The following TBC1D5 variants were observed in gnomAD, a reference collection of about 807,000 sequenced individuals.
TBC1D5 encodes the protein TBC1 domain family member 5, also known as TBC1 domain family, member 5.
A neutral mutation model predicts 100.3 loss-of-function variants in TBC1D5; 75 were observed. The observed-to-expected ratio is 0.75, with a 90% CI of 0.62 to 0.91. TBC1D5 has a LOEUF of 0.91. TBC1D5 is among the 40% of genes least tolerant of loss of function. The pLI is 0.00. For synonymous variants in TBC1D5, 323 were observed against 325.6 expected (o/e 0.99, Z 0.09); for missense variants, 910 against 942.4 (o/e 0.97, Z 0.45).
At chr3:17,412,308 T>C (rs1176390676) in intron 4 of TBC1D5, among the ~76,000 whole-genome samples, 9 of 152,096 alleles carry the variant, frequency 5.9e-5, no homozygotes. Context: ...AATGGTTTGA[T>C]ACTTCAAAAT....
At chr3:17,484,926 A>C (rs192896598) in intron 3 of TBC1D5, among the ~76,000 whole-genome samples, 12 of 152,292 alleles carry the variant, frequency 7.9e-5, no homozygotes, top group Admixed American at 6.5e-4. Context: ...GAACTGTCTT[A>C]ATAAAATTAA....
chr3:17,351,928 C>A (rs951475709), intron 13 of TBC1D5, among the ~76,000 whole-genome samples: 1 of 145,976 alleles, frequency 6.9e-6, no homozygotes, highest in African/African-American at 2.7e-5. Context: ...TTTCTGAATC[C>A]GTTTTTTTTT....
At chr3:17,571,302 C>T (rs2096625604) in intron 2 of TBC1D5, among the ~76,000 whole-genome samples, 1 of 151,962 alleles carries the variant, frequency 6.6e-6, no homozygotes, top group Admixed American at 6.6e-5. Flanking sequence ...TTCTATGATG[C>T]ATACCTATAA....
intron 18 of TBC1D5, among the ~76,000 whole-genome samples, chr3:17,189,352 A>G (rs1023761744): frequency 6.6e-6 from 1 of 152,242 alleles, no homozygotes; most frequent in Non-Finnish European, 1.5e-5. Flanking sequence ...CACCGTCTTA[A>G]GCATGGGATA....
chr3:17,292,651 G>C (rs1383148314), intron 14 of TBC1D5, among the ~76,000 whole-genome samples: 1 of 151,698 alleles, frequency 6.6e-6, no homozygotes, highest in East Asian at 1.9e-4. Context: ...ACCTAATTAT[G>C]GGTGTAATTA....
chr3:17,162,938 A>G (rs4684311), intron 21 of TBC1D5, among the ~76,000 whole-genome samples: 92,369 of 152,030 alleles, frequency 0.61, 28,595 homozygotes, highest in East Asian at 0.9. Flanking sequence ...ACCACAACAC[A>G]GGGCTGGAAT....
At chr3:17,530,697 A>T (rs1222542682) in intron 2 of TBC1D5, among the ~76,000 whole-genome samples, 1 of 152,220 alleles carries the variant, frequency 6.6e-6, no homozygotes, top group African/African-American at 2.4e-5. Flanking sequence ...ATCAATAAAC[A>T]TAATCCAGCA....
chr3:17,331,580 A>G (rs2086869107), intron 13 of TBC1D5, among the ~76,000 whole-genome samples: 1 of 152,242 alleles, frequency 6.6e-6, no homozygotes, highest in Non-Finnish European at 1.5e-5. Flanking sequence ...GAATGTATCT[A>G]TGCCAGGTGC....
At chr3:17,552,856 C>T (rs534370386) in intron 2 of TBC1D5, among the ~76,000 whole-genome samples, 1 of 152,104 alleles carries the variant, frequency 6.6e-6, no homozygotes, top group East Asian at 1.9e-4. Flanking sequence ...AATACAGAGG[C>T]CCAAAGGCAG....
At chr3:17,453,538 A>G (rs1193551443) in intron 3 of TBC1D5, among the ~76,000 whole-genome samples, 1 of 152,188 alleles carries the variant, frequency 6.6e-6, no homozygotes, top group Non-Finnish European at 1.5e-5. Context: ...TAAGACAATA[A>G]ATTGGACAAT....
At position 17,680,688 on chromosome 3, in the gene TBC1D5, A is replaced by G. The variant is rs542430261; in HGVS notation, c.-100-56775T>C. Among the ~76,000 whole-genome samples, 3 of 151,404 alleles carry G rather than the reference A, an allele frequency of 2.0e-5. No individual in the cohort carries two copies. In the East Asian group the frequency reaches 5.8e-4, roughly 29 times the overall value. On this transcript the variant is annotated intron_variant, in intron 1 of 21. Transcript: ENST00000253692. ...ATGTTGTTTGGTTTTTACTGTTTCT[A>G]TGAACAATATCAGTACTAAGATGGT...
At chr3:17,272,811 T>A (rs2079565469) in intron 15 of TBC1D5, among the ~76,000 whole-genome samples, 1 of 152,146 alleles carries the variant, frequency 6.6e-6, no homozygotes, top group South Asian at 2.1e-4. Context: ...TAATACTTCG[T>A]AATTTTCCAC....
At chr3:17,169,938 G>A (rs1188009180) in intron 19 of TBC1D5, among the ~76,000 whole-genome samples, 1 of 152,156 alleles carries the variant, frequency 6.6e-6, no homozygotes, top group Non-Finnish European at 1.5e-5. Flanking sequence ...TTGATCCCTC[G>A]CATGCACAGT....
chr3:17,520,956 T>G (rs867385781), intron 2 of TBC1D5, among the ~76,000 whole-genome samples: 4 of 152,304 alleles, frequency 2.6e-5, no homozygotes, highest in Middle Eastern at 3.4e-3. Flanking sequence ...TTGCCAGAGC[T>G]GCCATCTGAT....
chr3:17,158,385 A>G (rs996087199), exon 22 of TBC1D5: 4 of 152,238 alleles, frequency 2.6e-5, no homozygotes, highest in Non-Finnish European at 2.9e-5. Context: ...ACAATTAAAC[A>G]TAAGTATCTG....
intron 13 of TBC1D5, among the ~76,000 whole-genome samples, chr3:17,332,440 T>C (rs989334843): frequency 3.9e-5 from 6 of 152,122 alleles, no homozygotes; most frequent in Non-Finnish European, 7.4e-5. Context: ...AATTAGGCAG[T>C]TGGATATGTG....
intron 1 of TBC1D5, among the ~76,000 whole-genome samples, chr3:17,674,831 A>G (rs1212990651): frequency 6.6e-6 from 1 of 152,092 alleles, no homozygotes; most frequent in Non-Finnish European, 1.5e-5. Context: ...CAAGAAAATA[A>G]GGTCACAAGG....
chr3:17,433,597 CTA>C (rs2094482185), intron 3 of TBC1D5, among the ~76,000 whole-genome samples: 1 of 152,088 alleles, frequency 6.6e-6, no homozygotes, highest in African/African-American at 2.4e-5. Flanking sequence ...GATTATAAAC[CTA>C]TATTTCAATA....
intron 13 of TBC1D5, among the ~76,000 whole-genome samples, chr3:17,351,001 G>A (rs1376959607): frequency 1.3e-5 from 2 of 152,070 alleles, no homozygotes; most frequent in African/African-American, 4.8e-5. Context: ...TAATATTCAA[G>A]CCAAAGCTCT....
Sources: gnomAD v4.1 joint callset for allele counts (sites outside exome capture counted in the v4.1 genomes callset) on GRCh38, gnomAD v4.1.1 for gene constraint, MANE v1.5 for transcripts, NCBI Gene and HGNC (gene_info 2026-07-23, HGNC 2026-07-21) for gene names.